The following MAP4K3 variants were observed in gnomAD, a reference collection of about 807,000 sequenced individuals.
MAP4K3 encodes mitogen-activated protein kinase kinase kinase kinase 3.
In MAP4K3, 94 loss-of-function variants were observed where a neutral mutation model predicts 143.5. The ratio of observed to expected loss-of-function variants is 0.65; its 90% CI spans 0.55 to 0.78. The LOEUF is 0.78. Among genes scored for constraint, MAP4K3 ranks in the 30% least tolerant of loss-of-function variants. The probability of loss-of-function intolerance (pLI) is 0.00; values close to 1 mark genes in which losing one functional copy is unlikely to be tolerated. For missense variants in MAP4K3, 1,077 were observed against 1,068.1 expected, an observed-to-expected ratio of 1.01 and a Z score of -0.12; for synonymous variants, 416 against 347.2, an observed-to-expected ratio of 1.20 and a Z score of -2.20.
At chr2:39,434,947 T>A (rs1341005075) in intron 1 of MAP4K3, among the ~76,000 whole-genome samples, 3 of 152,216 alleles carry the variant, frequency 2.0e-5, no homozygotes, top group Non-Finnish European at 4.4e-5. Flanking sequence ...GGCCCTAATT[T>A]TTTTTTGCTT....
intron 1 of MAP4K3, among the ~76,000 whole-genome samples, chr2:39,381,766 A>G (rs1314290788): frequency 6.6e-6 from 1 of 152,168 alleles, no homozygotes; most frequent in African/African-American, 2.4e-5. Context: ...CCTAACCTGT[A>G]CTTTATCCTC....
chr2:39,249,925 G>C lies in MAP4K3; in HGVS notation c.*693C>G, dbSNP rs1680083888. On this transcript the variant is annotated 3_prime_UTR_variant, in exon 34 of 34. Transcript: ENST00000263881. ...TACAACATGTGGTTAATTATAATTG[G>C]TTTGCTTCACATAGAAAACAATCCA... 6.6e-6 allele frequency: 1 copy of C among 152,178 alleles called. No homozygotes were observed. Among genetic ancestry groups the C allele is most frequent in the African/African-American group, 2.4e-5 (1 of 41,416 alleles). 9.4% of individuals were successfully genotyped at this position (152,178 alleles called of 1,614,324 possible). A position where few individuals can be genotyped will look rare whatever the true frequency, so the allele number is the denominator to read the frequency against.
intron 2 of MAP4K3, among the ~76,000 whole-genome samples, chr2:39,363,862 C>A (rs139829614): frequency 6.7e-6 from 1 of 149,824 alleles, no homozygotes; most frequent in African/African-American, 2.5e-5. Context: ...AGGACTTGAA[C>A]AGAAATTTCT....
chr2:39,304,897 G>A (rs999617124), intron 15 of MAP4K3, among the ~76,000 whole-genome samples: 5 of 152,198 alleles, frequency 3.3e-5, no homozygotes, highest in Admixed American at 2.6e-4. Flanking sequence ...TCTGACACAC[G>A]CTGCAACACG....
At chr2:39,415,776 A>AC (rs1408435900) in intron 1 of MAP4K3, among the ~76,000 whole-genome samples, 1 of 150,392 alleles carries the variant, frequency 6.6e-6, no homozygotes, top group African/African-American at 2.4e-5. Context: ...ACGTGGTGAA[A>AC]CCCCATCTCT....
intron 29 of MAP4K3, among the ~76,000 whole-genome samples, chr2:39,259,860 C>T (rs187336291): frequency 3.3e-5 from 5 of 152,178 alleles, no homozygotes; most frequent in Admixed American, 1.3e-4. Flanking sequence ...CATGACTTTA[C>T]GGGTTTCCTA....
intron 4 of MAP4K3, among the ~76,000 whole-genome samples, chr2:39,340,355 T>C (rs1234190609): frequency 6.6e-6 from 1 of 151,848 alleles, no homozygotes; most frequent in East Asian, 1.9e-4. Context: ...GCCAAAAGAG[T>C]GAACACAGAG....
At chr2:39,430,276 A>G (rs1046110553) in intron 1 of MAP4K3, among the ~76,000 whole-genome samples, 4 of 152,242 alleles carry the variant, frequency 2.6e-5, no homozygotes, top group African/African-American at 4.8e-5. Flanking sequence ...AATTTCTAAG[A>G]GCTTAAACAA....
intron 21 of MAP4K3, among the ~76,000 whole-genome samples, chr2:39,284,753 A>C (rs1681689405): frequency 6.6e-6 from 1 of 151,734 alleles, no homozygotes; most frequent in African/African-American, 2.4e-5. Flanking sequence ...CTGAGGCAGG[A>C]GAATCACTTG....
At chr2:39,386,705 A>G (rs1326094586) in intron 1 of MAP4K3, among the ~76,000 whole-genome samples, 1 of 151,654 alleles carries the variant, frequency 6.6e-6, no homozygotes, top group Non-Finnish European at 1.5e-5. Context: ...TGAATTGGCT[A>G]TATTTGTGTG....
intron 13 of MAP4K3, among the ~76,000 whole-genome samples, chr2:39,311,156 C>T (rs1336850595): frequency 2.0e-5 from 3 of 152,182 alleles, no homozygotes; most frequent in Non-Finnish European, 4.4e-5. Flanking sequence ...CAGCTCACTG[C>T]AACCTCCACC....
At chr2:39,282,070 C>G (rs1339995368) in intron 22 of MAP4K3, among the ~76,000 whole-genome samples, 1 of 151,480 alleles carries the variant, frequency 6.6e-6, no homozygotes, top group Non-Finnish European at 1.5e-5. Context: ...TGGCAGGCAC[C>G]TATAGTCCCA....
At chr2:39,335,190 G>A (rs767210709) in intron 6 of MAP4K3, among the ~76,000 whole-genome samples, 9 of 152,242 alleles carry the variant, frequency 5.9e-5, no homozygotes, top group East Asian at 1.9e-4. Context: ...AAAGGCATCT[G>A]GACTTTATAC....
chr2:39,364,228 G>A (rs1665857633), intron 2 of MAP4K3, among the ~76,000 whole-genome samples: 1 of 152,174 alleles, frequency 6.6e-6, no homozygotes, highest in African/African-American at 2.4e-5. Flanking sequence ...AAGCAGAATG[G>A]TCATGGCCAG....
intron 1 of MAP4K3, among the ~76,000 whole-genome samples, chr2:39,378,912 T>A (rs1365686973): frequency 6.6e-6 from 1 of 151,612 alleles, no homozygotes; most frequent in Non-Finnish European, 1.5e-5. Flanking sequence ...AATACACATA[T>A]AAATAAGCAG....
Position 39,381,778 on chromosome 2 carries a change from G to A in MAP4K3, c.97-3655C>T, listed in dbSNP as rs371757539. Among the ~76,000 whole-genome samples the A allele has an allele frequency of 7.2e-5, 11 of 152,154 alleles. No homozygotes were observed. In the East Asian group the frequency reaches 1.9e-3, roughly 27 times the overall value. ...CTCCCTAACCTGTACTTTATCCTCT[G>A]GCCAAACTAAACAACCTGCTATTCC... On this transcript the variant is annotated intron_variant, in intron 1 of 33. Coordinates refer to ENST00000263881, the MANE Select transcript of MAP4K3 (RefSeq NM_003618.4).
chr2:39,418,202 CA>C (rs60060164), intron 1 of MAP4K3, among the ~76,000 whole-genome samples: 101,892 of 113,014 alleles, frequency 0.9, 45,723 homozygotes, highest in East Asian at 0.95. Flanking sequence ...GACTCCGTCT[CA>C]AAAAAAAAAA....
chr2:39,421,476 G>A (rs1667546532), intron 1 of MAP4K3, among the ~76,000 whole-genome samples: 1 of 150,272 alleles, frequency 6.7e-6, no homozygotes. Context: ...CTCCCAAAGT[G>A]CTGGTATTCC....
intron 1 of MAP4K3, among the ~76,000 whole-genome samples, chr2:39,430,629 T>A (rs553700500): frequency 4.5e-4 from 68 of 151,958 alleles, no homozygotes; most frequent in Middle Eastern, 3.4e-3. Context: ...AATCGTATTT[T>A]AAAAAAAACA....
Sources: allele counts gnomAD v4.1 joint callset (sites outside exome capture counted in the v4.1 genomes callset), GRCh38; gene constraint gnomAD v4.1.1; transcripts MANE v1.5; gene names NCBI Gene and HGNC (gene_info 2026-07-23, HGNC 2026-07-21).